THOC1: variants seen among roughly 807,000 people sequenced by gnomAD.
The protein encoded by THOC1 is THO complex 1.
A neutral mutation model predicts 97.3 loss-of-function variants in THOC1; 29 were observed. The ratio of observed to expected loss-of-function variants is 0.30; its 90% confidence interval spans 0.22 to 0.41. The LOEUF (loss-of-function observed/expected upper bound fraction) is 0.41, where lower values mean the gene tolerates loss of function less well. Among genes scored for constraint, THOC1 ranks in the 10% least tolerant of loss-of-function variants. The probability of loss-of-function intolerance (pLI) is 1.00; values close to 1 mark genes in which losing one functional copy is unlikely to be tolerated. For missense variants in THOC1, 529 were observed against 761.9 expected, an observed-to-expected ratio of 0.69 and a Z score of 3.60; for synonymous variants, 255 against 257.0, an observed-to-expected ratio of 0.99 and a Z score of 0.07.
intron 4 of THOC1, among the ~76,000 whole-genome samples, chr18:263,088 T>C (rs1482391165): frequency 6.6e-6 from 1 of 152,078 alleles, no homozygotes; most frequent in Non-Finnish European, 1.5e-5. Context: ...CTGCAGCTGC[T>C]CTTTTTTTTT....
intron 11 of THOC1, among the ~76,000 whole-genome samples, chr18:235,085 A>ATTTTTTTTTTTTTTTT: frequency 7.2e-6 from 1 of 139,174 alleles, no homozygotes; most frequent in African/African-American, 2.6e-5. Context: ...TTGGTTTTCT[A>ATTTTTTTTTTTTTTTT]TTTTTTTTTT....
intron 4 of THOC1, among the ~76,000 whole-genome samples, chr18:261,982 C>A (rs546352471): frequency 6.6e-6 from 1 of 152,300 alleles, no homozygotes; most frequent in African/African-American, 2.4e-5. Context: ...CTTACCCTTA[C>A]CTGGGCCACA....
chr18:225,559 G>C (rs768859562), intron 12 of THOC1, 156 bp from the exon 13 acceptor site: 1 of 628,066 alleles, frequency 1.6e-6, no homozygotes, highest in Non-Finnish European at 2.7e-6. Context: ...GATTATAAGA[G>C]AAAATTCTTG....
chr18:223,543 G>A lies in THOC1; in HGVS notation c.1305-38C>T, dbSNP rs545984692. 49 of 1,480,920 alleles carry A rather than the reference G, an allele frequency of 3.3e-5. 1 individual carries two copies. In the South Asian group the frequency reaches 5.5e-4, roughly 17 times the overall value. 91.7% of individuals were successfully genotyped at this position (1,480,920 alleles called of 1,614,324 possible). ...CACAGAAATAAATACATTTTTTATG[G>A]ACACCATCCTCATGTGCCTTGAAAC... is the stretch of plus-strand genomic sequence containing the variant. On this transcript the variant is annotated intron_variant, in intron 16 of 20. Coordinates refer to ENST00000261600, the MANE Select transcript of THOC1 (RefSeq NM_005131.3).
At chr18:250,120 G>A (rs959711474) in intron 9 of THOC1, among the ~76,000 whole-genome samples, 2 of 152,094 alleles carry the variant, frequency 1.3e-5, no homozygotes, top group Non-Finnish European at 2.9e-5. Context: ...GGCTTGGTGG[G>A]TATTTGAGGT....
At chr18:220,790 G>C (rs1380133917) in intron 17 of THOC1, among the ~76,000 whole-genome samples, 1 of 151,972 alleles carries the variant, frequency 6.6e-6, no homozygotes, top group Non-Finnish European at 1.5e-5. Context: ...ATTTTTCCTG[G>C]TTTTTGTTTT....
chr18:215,348 C>A, intron 20 of THOC1, 81 bp downstream of exon 20: 1 of 1,065,076 alleles, frequency 9.4e-7, no homozygotes, highest in South Asian at 1.4e-5. Flanking sequence ...AGAAGTCGAT[C>A]AAATTAAATA....
At chr18:263,898 G>T in intron 4 of THOC1, 128 bp downstream of exon 4, 1 of 673,170 alleles carries the variant, frequency 1.5e-6, no homozygotes, top group Non-Finnish European at 2.5e-6. Flanking sequence ...TGGCAAAGTT[G>T]GGAGTCAGGC....
At chr18:266,417 G>C (rs1912770238) in intron 1 of THOC1, among the ~76,000 whole-genome samples, 1 of 152,120 alleles carries the variant, frequency 6.6e-6, no homozygotes, top group African/African-American at 2.4e-5. Context: ...GAAGCTGGTA[G>C]AAATGCAAAA....
chr18:265,285 A>G lies in THOC1; in HGVS notation c.189+18T>C. 1 of 1,565,380 alleles carries G rather than the reference A, an allele frequency of 6.4e-7. No homozygotes were observed. The highest frequency in any genetic ancestry group is 8.6e-7 in the Non-Finnish European group (1 of 1,160,644). ...TTAATTTGTCAGTAAAATTTTAACAATGGAAAAACATACTTACAATTTCTT... is the reference window on the plus strand; with the variant it reads ...TTAATTTGTCAGTAAAATTTTAACAGTGGAAAAACATACTTACAATTTCTT... On this transcript the variant is annotated intron_variant, in intron 3 of 20. Transcript: ENST00000261600.
chr18:216,272 C>T, intron 19 of THOC1: 1 of 544,030 alleles, frequency 1.8e-6, no homozygotes, highest in Non-Finnish European at 3.2e-6. Flanking sequence ...CTTTAAATTA[C>T]ATGCTGTACA....
At chr18:247,816 T>C (rs374305197) in intron 10 of THOC1, 33 bp downstream of exon 10, 2 of 1,296,346 alleles carry the variant, frequency 1.5e-6, no homozygotes, top group Admixed American at 1.8e-5. Context: ...TATAAAATAC[T>C]GGGCTTCTGA....
rs1188172067 is a variant in THOC1 at position 254,147 on chromosome 18, A to G, written c.603+126T>C. ...GGCTGGTCTTGAACTCCTAGGCTCA[A>G]GCGATCTGCCCACCTCAGCCTCCCA... On this transcript the variant is annotated intron_variant, in intron 8 of 20. Transcript: ENST00000261600. The surrounding 1 kb of genome is among the most constrained non-coding windows in gnomAD (Gnocchi z 4.1). The G allele has an allele frequency of 1.5e-6, 1 of 667,180 alleles. No individual in the cohort carries two copies. 41.3% of individuals were successfully genotyped at this position (667,180 alleles called of 1,614,324 possible). A position where few individuals can be genotyped will look rare whatever the true frequency, so the allele number is the denominator to read the frequency against.
chr18:246,191 T>C, intron 11 of THOC1, 133 bp downstream of exon 11: 2 of 738,164 alleles, frequency 2.7e-6, no homozygotes, highest in Non-Finnish European at 4.2e-6. Flanking sequence ...CAAACTAACA[T>C]TAATCAATCA....
chr18:228,511 T>C (rs2143182993), intron 11 of THOC1, among the ~76,000 whole-genome samples: 2 of 134,244 alleles, frequency 1.5e-5, no homozygotes, highest in South Asian at 5.6e-4. Flanking sequence ...TATTTAAACA[T>C]CTAAAATGTA....
intron 11 of THOC1, among the ~76,000 whole-genome samples, chr18:240,252 A>C (rs549097996): frequency 6.6e-6 from 1 of 152,288 alleles, no homozygotes; most frequent in East Asian, 1.9e-4. Context: ...TTCAGAGCCT[A>C]CTTTGGCAGT....
At position 242,774 on chromosome 18, in the gene THOC1, A is replaced by G. The variant is rs1911952899; in HGVS notation, c.918+3550T>C. Among the ~76,000 whole-genome samples the G allele has an allele frequency of 6.6e-6, 1 of 152,198 alleles. No individual in the cohort carries two copies. Among genetic ancestry groups the G allele is most frequent in the Non-Finnish European group, 1.5e-5 (1 of 68,030 alleles). On this transcript the variant is annotated intron_variant, in intron 11 of 20. Transcript: ENST00000261600. The surrounding 1 kb of genome is among the most constrained non-coding windows in gnomAD (Gnocchi z 4.5). Reference sequence around the variant, plus strand: ...ACCTTTCTCATGACTTACCAAATCTATATCAAAAGTTGAAAGTAACATCAG... The same window carrying G: ...ACCTTTCTCATGACTTACCAAATCTGTATCAAAAGTTGAAAGTAACATCAG...
At chr18:241,838 G>C (rs1322848770) in intron 11 of THOC1, among the ~76,000 whole-genome samples, 1 of 152,184 alleles carries the variant, frequency 6.6e-6, no homozygotes, top group East Asian at 1.9e-4. Flanking sequence ...TGAACAATTA[G>C]AGGTAAAATC....
chr18:217,043 C>CTT (rs1468534646), intron 18 of THOC1, among the ~76,000 whole-genome samples: 2 of 152,142 alleles, frequency 1.3e-5, no homozygotes, highest in Non-Finnish European at 2.9e-5. Flanking sequence ...GGGTGGTATA[C>CTT]CATCAGGTGA....
Sources: gnomAD v4.1 joint callset for allele counts (sites outside exome capture counted in the v4.1 genomes callset) on GRCh38, gnomAD v4.1.1 for gene constraint, Gnocchi (gnomAD v3.1) non-coding constraint, MANE v1.5 for transcripts, NCBI Gene and HGNC (gene_info 2026-07-23, HGNC 2026-07-21) for gene names.